Variants in CTCF observed in about 807,000 individuals in gnomAD.
The protein encoded by CTCF is CCCTC-binding factor.
A neutral mutation model predicts 72.3 loss-of-function variants in CTCF; 7 were observed. The observed-to-expected ratio is 0.10, with a 90% CI of 0.06 to 0.18. CTCF has a LOEUF of 0.18. Ranked by LOEUF, CTCF falls within the 10% of genes least tolerant of loss-of-function variation. The pLI is 1.00. For missense variants in CTCF, 516 were observed against 949.1 expected, an observed-to-expected ratio of 0.54 and a Z score of 6.00; for synonymous variants, 374 against 315.8, an observed-to-expected ratio of 1.18 and a Z score of -1.95.
intron 2 of CTCF, among the ~76,000 whole-genome samples, chr16:67,577,357 C>CAAAA (rs72483780): frequency 8.1e-5 from 5 of 61,410 alleles, no homozygotes; most frequent in Non-Finnish European, 1.4e-4. Flanking sequence ...GGCTCTGTCT[C>CAAAA]AAAAAAAAAA....
At chr16:67,622,288 G>A (rs1181491319) in intron 7 of CTCF, among the ~76,000 whole-genome samples, 1 of 151,744 alleles carries the variant, frequency 6.6e-6, no homozygotes, top group African/African-American at 2.4e-5. Flanking sequence ...CCTGGGAGGT[G>A]GAGCTTGCAG....
At chr16:67,600,790 A>T (rs909134389) in intron 2 of CTCF, among the ~76,000 whole-genome samples, 1 of 152,176 alleles carries the variant, frequency 6.6e-6, no homozygotes, top group Non-Finnish European at 1.5e-5. Context: ...AATAGCTGAG[A>T]AAACAGCATC....
At chr16:67,611,650 AT>A in intron 3 of CTCF, 37 bp downstream of exon 3, 1 of 1,574,852 alleles carries the variant, frequency 6.3e-7, no homozygotes, top group Non-Finnish European at 8.6e-7. Context: ...TCATAAAACC[AT>A]TTTGGGATAA....
At chr16:67,566,639 C>T (rs974875408) in intron 1 of CTCF, among the ~76,000 whole-genome samples, 9 of 146,140 alleles carry the variant, frequency 6.2e-5, no homozygotes, top group African/African-American at 1.0e-4. Context: ...TGCAGGGGCA[C>T]GATCTCGGCT....
At chr16:67,609,020 C>T (rs2052019473) in intron 2 of CTCF, among the ~76,000 whole-genome samples, 2 of 152,176 alleles carry the variant, frequency 1.3e-5, no homozygotes, top group South Asian at 2.1e-4. Context: ...GGATTATAGG[C>T]GTGAGCCACC....
At chr16:67,568,844 C>CT (rs994255727) in intron 1 of CTCF, among the ~76,000 whole-genome samples, 438 of 134,780 alleles carry the variant, frequency 3.2e-3, no homozygotes, top group African/African-American at 5.9e-3. Context: ...TTTGGAAACT[C>CT]TTTTTTTTTT....
chr16:67,564,744 A>G (rs2051320644), intron 1 of CTCF, among the ~76,000 whole-genome samples: 1 of 152,206 alleles, frequency 6.6e-6, no homozygotes, highest in Non-Finnish European at 1.5e-5. Flanking sequence ...TCGAGCCAGG[A>G]GTAAAGCTTG....
chr16:67,579,515 T>C (rs2051551059), intron 2 of CTCF, among the ~76,000 whole-genome samples: 1 of 151,884 alleles, frequency 6.6e-6, no homozygotes, highest in Admixed American at 6.6e-5. Context: ...CATGCCACCA[T>C]GCCCGGCTAA....
chr16:67,600,601 A>G (rs1331830957), intron 2 of CTCF, among the ~76,000 whole-genome samples: 1 of 151,190 alleles, frequency 6.6e-6, no homozygotes, highest in Non-Finnish European at 1.5e-5. Context: ...CTGGGCTTGA[A>G]CTCTTGGGCT....
At chr16:67,584,114 G>T (rs968215812) in intron 2 of CTCF, among the ~76,000 whole-genome samples, 1 of 151,890 alleles carries the variant, frequency 6.6e-6, no homozygotes, top group Non-Finnish European at 1.5e-5. Context: ...GCTCATGCCT[G>T]TAATCCCAGC....
chr16:67,588,996 A>T (rs1201184432), intron 2 of CTCF, among the ~76,000 whole-genome samples: 2 of 152,050 alleles, frequency 1.3e-5, no homozygotes, highest in Non-Finnish European at 2.9e-5. Flanking sequence ...CAGCCTCAAA[A>T]TAATAAATTT....
At chr16:67,619,980 A>T (rs1295521419) in intron 5 of CTCF, among the ~76,000 whole-genome samples, 1 of 152,178 alleles carries the variant, frequency 6.6e-6, no homozygotes, top group Non-Finnish European at 1.5e-5. Context: ...GGATGATAGA[A>T]GAGAGGCCCT....
intron 9 of CTCF, among the ~76,000 whole-genome samples, chr16:67,628,789 G>A (rs561182120): frequency 1.8e-4 from 28 of 152,316 alleles, no homozygotes; most frequent in Non-Finnish European, 3.2e-4. Context: ...GGCCAGGCGC[G>A]GTGGCTCGCG....
chr16:67,636,418 C>T (rs1381330960), intron 10 of CTCF, among the ~76,000 whole-genome samples: 1 of 146,692 alleles, frequency 6.8e-6, no homozygotes, highest in Non-Finnish European at 1.5e-5. Flanking sequence ...CATGGTGGTG[C>T]GTGCCTGTAG....
intron 10 of CTCF, among the ~76,000 whole-genome samples, chr16:67,630,254 T>TA (rs564935930): frequency 3.3e-4 from 50 of 152,320 alleles, no homozygotes; most frequent in African/African-American, 9.1e-4. Context: ...AGAAGGTTGT[T>TA]TAAGCATCTT....
chr16:67,628,244 A>G, intron 8 of CTCF, 126 bp from the exon 9 acceptor site: 1 of 770,746 alleles, frequency 1.3e-6, no homozygotes, highest in Admixed American at 2.9e-5. Context: ...TATCATCTCA[A>G]CAAGCCGTGT....
At position 67,634,760 on chromosome 16, in the gene CTCF, A is replaced by G. The variant is rs543173562; in HGVS notation, c.1838-1930A>G. ...ACTCTGTTGCCCAGGCTGGAGTGCA[A>G]TGGCGTGATCTCAGCTCACTGCAAC... is the stretch of plus-strand genomic sequence containing the variant. On this transcript the variant is annotated intron_variant, in intron 10 of 11. Transcript: ENST00000264010. Among the ~76,000 whole-genome samples the G allele has an allele frequency of 1.1e-3, 163 of 145,086 alleles. 1 individual carries two copies. Among genetic ancestry groups the G allele is most frequent in the African/African-American group, 3.3e-3 (129 of 39,042 alleles).
At chr16:67,604,405 C>T (rs558440555) in intron 2 of CTCF, among the ~76,000 whole-genome samples, 15 of 152,178 alleles carry the variant, frequency 9.9e-5, no homozygotes, top group East Asian at 7.8e-4. Flanking sequence ...TGCAGTGGCG[C>T]GATCTTGGCT....
chr16:67,599,613 G>T (rs979044286), intron 2 of CTCF, among the ~76,000 whole-genome samples: 8 of 151,700 alleles, frequency 5.3e-5, no homozygotes, highest in Non-Finnish European at 1.0e-4. Flanking sequence ...GGAACCTCCT[G>T]TTCATCATCT....
Sources: allele counts gnomAD v4.1 joint callset (sites outside exome capture counted in the v4.1 genomes callset), GRCh38; gene constraint gnomAD v4.1.1; transcripts MANE v1.5; gene names NCBI Gene and HGNC (gene_info 2026-07-23, HGNC 2026-07-21).